TIAM1: variants seen among roughly 807,000 people sequenced by gnomAD.
TIAM1 encodes rho guanine nucleotide exchange factor TIAM1.
TIAM1 carries 65 observed loss-of-function variants against 163.5 expected under a neutral mutation model. That is an observed-to-expected ratio of 0.40 (90% CI 0.33 to 0.49). The LOEUF is 0.49. Among genes scored for constraint, TIAM1 ranks in the 20% least tolerant of loss-of-function variants. TIAM1 has a pLI of 0.77. For synonymous variants in TIAM1, 833 were observed against 810.1 expected (o/e 1.03, Z -0.48); for missense variants, 1,789 against 2,044.7 (o/e 0.87, Z 2.41).
At chr21:31,407,159 C>T (rs2147230601) in intron 2 of TIAM1, among the ~76,000 whole-genome samples, 1 of 152,274 alleles carries the variant, frequency 6.6e-6, no homozygotes, top group East Asian at 1.9e-4. Flanking sequence ...GCCAATCACA[C>T]AAAGAAAGCC....
intron 19 of TIAM1, among the ~76,000 whole-genome samples, chr21:31,148,091 C>T (rs569200613): frequency 6.6e-6 from 1 of 151,222 alleles, no homozygotes; most frequent in South Asian, 2.1e-4. Context: ...TACGTGTTCT[C>T]CTTTTCCTCC....
At chr21:31,538,494 T>C (rs1232707169) in intron 1 of TIAM1, among the ~76,000 whole-genome samples, 4 of 152,172 alleles carry the variant, frequency 2.6e-5, no homozygotes, top group Non-Finnish European at 5.9e-5. Flanking sequence ...ATTTTTAAAA[T>C]AAGTAAATAT....
At chr21:31,212,470 A>G (rs2086932282) in intron 10 of TIAM1, among the ~76,000 whole-genome samples, 1 of 152,122 alleles carries the variant, frequency 6.6e-6, no homozygotes, top group Non-Finnish European at 1.5e-5. Flanking sequence ...CTTGAAAACG[A>G]GAGACGTCTA....
intron 2 of TIAM1, among the ~76,000 whole-genome samples, chr21:31,309,082 GA>G (rs1210549016): frequency 2.0e-5 from 3 of 152,098 alleles, no homozygotes; most frequent in Non-Finnish European, 4.4e-5. Flanking sequence ...GTGGGAGGGG[GA>G]AAAAACTGAC....
chr21:31,485,668 C>T (rs1349007414), intron 1 of TIAM1, among the ~76,000 whole-genome samples: 1 of 152,164 alleles, frequency 6.6e-6, no homozygotes, highest in Non-Finnish European at 1.5e-5. Flanking sequence ...CAGCACACTC[C>T]TGAAGGGAGG....
intron 2 of TIAM1, among the ~76,000 whole-genome samples, chr21:31,292,465 G>A (rs970182441): frequency 1.3e-5 from 2 of 151,474 alleles, no homozygotes; most frequent in African/African-American, 4.9e-5. Context: ...TGCCTCCCGG[G>A]TTCAAGTGAT....
At chr21:31,305,896 G>C (rs1370373553) in intron 2 of TIAM1, among the ~76,000 whole-genome samples, 1 of 151,968 alleles carries the variant, frequency 6.6e-6, no homozygotes, top group Non-Finnish European at 1.5e-5. Flanking sequence ...GAAGGTGTCT[G>C]CTCACGGGGG....
At chr21:31,420,937 C>A (rs1308719786) in intron 2 of TIAM1, among the ~76,000 whole-genome samples, 1 of 152,012 alleles carries the variant, frequency 6.6e-6, no homozygotes, top group Admixed American at 6.6e-5. Flanking sequence ...GCCTGGCCAA[C>A]ATGGTGAAGC....
At chr21:31,265,436 C>T (rs1601756825) in intron 4 of TIAM1, among the ~76,000 whole-genome samples, 2 of 152,144 alleles carry the variant, frequency 1.3e-5, no homozygotes, top group Non-Finnish European at 2.9e-5. Flanking sequence ...CCTTCCGCTA[C>T]ACCTCCCTCC....
chr21:31,228,248 A>G (rs2088167783), intron 6 of TIAM1, among the ~76,000 whole-genome samples: 19 of 133,888 alleles, frequency 1.4e-4, no homozygotes, highest in African/African-American at 5.7e-4. Flanking sequence ...AAAAAAAAAA[A>G]AAAAAAAAAA....
rs562001318 is a variant in TIAM1, at chr21:31,442,140, C to T, written c.-369+21843G>A. Among the ~76,000 whole-genome samples, 19 of 139,030 alleles carry T rather than the reference C, an allele frequency of 1.4e-4. No individual in the cohort carries two copies. In the South Asian group the frequency reaches 4.3e-3, roughly 31 times the overall value. The allele number at this position is 139,030 out of a possible 152,430, so 91.2% of individuals were successfully genotyped here. A position where few individuals can be genotyped will look rare whatever the true frequency, so the allele number is the denominator to read the frequency against. On this transcript the variant is annotated intron_variant, in intron 2 of 28. Transcript: ENST00000286827. Reference sequence around the variant, plus strand: ...AAGAGATCAAGCTCAACTCCAAACACAGCAAGGACAAGTGAGAACTTACAG... The same window carrying T: ...AAGAGATCAAGCTCAACTCCAAACATAGCAAGGACAAGTGAGAACTTACAG...
At chr21:31,415,537 A>C (rs972216560) in intron 2 of TIAM1, among the ~76,000 whole-genome samples, 1 of 152,068 alleles carries the variant, frequency 6.6e-6, no homozygotes, top group African/African-American at 2.4e-5. Flanking sequence ...CTAGGACCCA[A>C]TGTCCTCATT....
chr21:31,146,710 C>A (rs372322201), intron 20 of TIAM1, among the ~76,000 whole-genome samples, 185 bp downstream of exon 20: 325 of 131,478 alleles, frequency 2.5e-3, no homozygotes, highest in Non-Finnish European at 2.6e-3. Context: ...GACTCTGTCT[C>A]AAAAAAAAAA....
intron 1 of TIAM1, among the ~76,000 whole-genome samples, chr21:31,538,937 A>G (rs2048229241): frequency 6.6e-6 from 1 of 152,170 alleles, no homozygotes; most frequent in Non-Finnish European, 1.5e-5. Flanking sequence ...GCCTCCCGTA[A>G]TGGAAACACC....
At chr21:31,515,173 A>G (rs1369019601) in intron 1 of TIAM1, among the ~76,000 whole-genome samples, 1 of 151,946 alleles carries the variant, frequency 6.6e-6, no homozygotes, top group Non-Finnish European at 1.5e-5. Context: ...ACAGGCCCCA[A>G]CTCCAAAATC....
At chr21:31,293,148 C>G (rs1291307764) in intron 2 of TIAM1, among the ~76,000 whole-genome samples, 1 of 151,958 alleles carries the variant, frequency 6.6e-6, no homozygotes, top group Non-Finnish European at 1.5e-5. Context: ...AGAATTGGCT[C>G]ATGCATTTGC....
At chr21:31,444,628 T>A (rs1488548028) in intron 2 of TIAM1, among the ~76,000 whole-genome samples, 2 of 152,102 alleles carry the variant, frequency 1.3e-5, no homozygotes, top group African/African-American at 2.4e-5. Flanking sequence ...CAGCAAATAA[T>A]GATCCAATAT....
chr21:31,208,200 A>T (rs2086551487), intron 11 of TIAM1, among the ~76,000 whole-genome samples: 1 of 152,192 alleles, frequency 6.6e-6, no homozygotes, highest in Admixed American at 6.5e-5. Flanking sequence ...CCAATCATTC[A>T]TTGCTTCACT....
At chr21:31,540,940 G>A (rs2048306269) in intron 1 of TIAM1, among the ~76,000 whole-genome samples, 1 of 152,132 alleles carries the variant, frequency 6.6e-6, no homozygotes, top group African/African-American at 2.4e-5. Context: ...TGCTAGTTAG[G>A]CTGTGGTGAG....
Sources: gnomAD v4.1 joint callset for allele counts (sites outside exome capture counted in the v4.1 genomes callset) on GRCh38, gnomAD v4.1.1 for gene constraint, MANE v1.5 for transcripts, NCBI Gene and HGNC (gene_info 2026-07-23, HGNC 2026-07-21) for gene names.